Variants in RASSF3 observed in about 807,000 individuals in gnomAD.
The protein encoded by RASSF3 is Ras association domain family member 3, also known as ras association domain-containing protein 3.
A neutral mutation model predicts 19.9 loss-of-function variants in RASSF3; 19 were observed. The observed-to-expected ratio is 0.96, with a 90% CI of 0.67 to 1.40. The LOEUF is 1.40. Ranked by LOEUF, RASSF3 falls within the 40% of genes most tolerant of loss-of-function variation. The pLI is 0.00. For synonymous variants in RASSF3, 110 were observed against 104.2 expected (o/e 1.06, Z -0.34); for missense variants, 306 against 289.8 (o/e 1.06, Z -0.41).
At chr12:64,548,837 G>A (rs868065359) in intron 2 of RASSF3, among the ~76,000 whole-genome samples, 3 of 152,276 alleles carry the variant, frequency 2.0e-5, no homozygotes, top group Middle Eastern at 3.4e-3. Context: ...GGTGGGCAGG[G>A]TGAGGGAATG....
intron 2 of RASSF3, among the ~76,000 whole-genome samples, chr12:64,551,900 GT>G (rs1869170370): frequency 6.6e-6 from 1 of 152,116 alleles, no homozygotes; most frequent in African/African-American, 2.4e-5. Context: ...CAGTTTTTCT[GT>G]GAGACTGAGA....
At chr12:64,567,846 C>T (rs1460774180) in intron 2 of RASSF3, among the ~76,000 whole-genome samples, 1 of 152,212 alleles carries the variant, frequency 6.6e-6, no homozygotes, top group Non-Finnish European at 1.5e-5. Context: ...GTCCCTGCTG[C>T]CCAGGCAGGC....
At chr12:64,674,117 A>G (rs1382140142) in intron 1 of RASSF3, among the ~76,000 whole-genome samples, 1 of 152,044 alleles carries the variant, frequency 6.6e-6, no homozygotes, top group East Asian at 1.9e-4. Context: ...GGTGTGTGAG[A>G]GTATTTAGGG....
intron 2 of RASSF3, among the ~76,000 whole-genome samples, chr12:64,686,637 G>A (rs1230211221): frequency 1.3e-5 from 2 of 151,618 alleles, no homozygotes; most frequent in Non-Finnish European, 2.9e-5. Context: ...GGCCAGCCTA[G>A]TCAACATGGC....
At chr12:64,675,890 G>C (rs1015552956) in intron 1 of RASSF3, among the ~76,000 whole-genome samples, 1 of 151,620 alleles carries the variant, frequency 6.6e-6, no homozygotes, top group African/African-American at 2.4e-5. Flanking sequence ...AACGGAAATA[G>C]AGCCCCACCC....
chr12:64,610,269 G>A (rs2136151730), upstream of RASSF3, among the ~76,000 whole-genome samples: 1 of 152,112 alleles, frequency 6.6e-6, no homozygotes. Context: ...CTAGCGCCCG[G>A]CTTTCCGGGT....
chr12:64,663,989 A>G (rs1872463805), intron 1 of RASSF3, among the ~76,000 whole-genome samples: 2 of 152,136 alleles, frequency 1.3e-5, no homozygotes, highest in Non-Finnish European at 2.9e-5. Flanking sequence ...ACGCCAATAT[A>G]TACAAGAGAA....
At chr12:64,670,180 A>G (rs1460028321) in intron 1 of RASSF3, among the ~76,000 whole-genome samples, 1 of 152,208 alleles carries the variant, frequency 6.6e-6, no homozygotes, top group African/African-American at 2.4e-5. Context: ...GAGGACGGAC[A>G]GCCTTGTGGC....
At chr12:64,663,607 G>C (rs1872445458) in intron 1 of RASSF3, among the ~76,000 whole-genome samples, 1 of 151,610 alleles carries the variant, frequency 6.6e-6, no homozygotes, top group Non-Finnish European at 1.5e-5. Context: ...CCAGGTTCCA[G>C]TGATCCTCCC....
chr12:64,664,184 T>C (rs1872471045), intron 1 of RASSF3, among the ~76,000 whole-genome samples: 1 of 152,158 alleles, frequency 6.6e-6, no homozygotes, highest in Admixed American at 6.5e-5. Context: ...TTGACTGTTG[T>C]CAATCATGGT....
At chr12:64,614,975 A>C (rs1019827577) in intron 1 of RASSF3, among the ~76,000 whole-genome samples, 2 of 152,100 alleles carry the variant, frequency 1.3e-5, no homozygotes, top group Non-Finnish European at 2.9e-5. Flanking sequence ...CTGGGATTAT[A>C]GGCATGAGCC....
At chr12:64,631,634 C>T (rs1273552598) in intron 1 of RASSF3, among the ~76,000 whole-genome samples, 1 of 152,096 alleles carries the variant, frequency 6.6e-6, no homozygotes, top group Non-Finnish European at 1.5e-5. Flanking sequence ...TGCAGTGGTG[C>T]AATCTCTGCT....
intron 1 of RASSF3, among the ~76,000 whole-genome samples, chr12:64,675,315 A>T (rs189121170): frequency 1.2e-3 from 180 of 152,114 alleles, no homozygotes; most frequent in African/African-American, 4.1e-3. Context: ...TTATTTTTTA[A>T]TTTTTTAAAT....
At chr12:64,682,469 A>T (rs574217841) in intron 1 of RASSF3, among the ~76,000 whole-genome samples, 1 of 151,868 alleles carries the variant, frequency 6.6e-6, no homozygotes, top group East Asian at 1.9e-4. Context: ...CGGGAGGCTG[A>T]GGCAGGAGAA....
At position 64,521,253 on chromosome 12, in the gene RASSF3, C is replaced by T. The variant is rs565647061; in HGVS notation, c.169+13924C>T. On this transcript the variant is annotated intron_variant, in intron 1 of 5. Coordinates refer to the RASSF3 transcript ENST00000637125. ...GTTGTGCCCCTGTAGCAGGTGTGCT[C>T]CTAAAGTGGACAGGTAGGTGATATC... is the stretch of plus-strand genomic sequence containing the variant. Among the ~76,000 whole-genome samples the T allele has an allele frequency of 9.9e-5, 15 of 152,258 alleles. No individual in the cohort carries two copies. The South Asian group carries it at 3.1e-3, about 32-fold the overall frequency.
intron 1 of RASSF3, among the ~76,000 whole-genome samples, chr12:64,540,530 G>A (rs944252775): frequency 6.6e-6 from 1 of 152,084 alleles, no homozygotes; most frequent in Non-Finnish European, 1.5e-5. Context: ...CCAAAGAGGG[G>A]AAACAGCCTA....
At chr12:64,535,376 T>G (rs945972416) in intron 1 of RASSF3, among the ~76,000 whole-genome samples, 51 of 152,134 alleles carry the variant, frequency 3.4e-4, no homozygotes, top group Non-Finnish European at 8.8e-5. Context: ...CCCTTTTTTC[T>G]TTTTTGGAGA....
intron 1 of RASSF3, among the ~76,000 whole-genome samples, chr12:64,612,443 T>C (rs535922668): frequency 8.3e-4 from 126 of 151,860 alleles, no homozygotes; most frequent in Non-Finnish European, 1.7e-3. Flanking sequence ...AGTAAAGACA[T>C]CAGTTTTTTT....
intron 1 of RASSF3, among the ~76,000 whole-genome samples, chr12:64,672,029 T>G (rs1298451970): frequency 5.9e-5 from 9 of 152,198 alleles, no homozygotes; most frequent in African/African-American, 1.9e-4. Context: ...CTCTTCAGAC[T>G]TTTACATTTG....
Sources: allele counts gnomAD v4.1 joint callset (sites outside exome capture counted in the v4.1 genomes callset), GRCh38; gene constraint gnomAD v4.1.1; transcripts MANE v1.5; gene names NCBI Gene and HGNC (gene_info 2026-07-23, HGNC 2026-07-21).